Variants in DLGAP2 observed in about 807,000 individuals in gnomAD.
The protein encoded by DLGAP2 is disks large-associated protein 2.
DLGAP2 carries 26 observed loss-of-function variants against 100.3 expected under a neutral mutation model. That is an observed-to-expected ratio of 0.26 (90% CI 0.19 to 0.36). The LOEUF is 0.36. Among genes scored for constraint, DLGAP2 ranks in the 10% least tolerant of loss-of-function variants. The pLI, the probability that DLGAP2 is intolerant of heterozygous loss-of-function variation, is 1.00. For synonymous variants in DLGAP2, 886 were observed against 630.1 expected (o/e 1.41, Z -6.08); for missense variants, 1,858 against 1,453.2 (o/e 1.28, Z -4.53).
At chr8:1,629,642 C>CT (rs751632365) in intron 7 of DLGAP2, among the ~76,000 whole-genome samples, 2 of 152,248 alleles carry the variant, frequency 1.3e-5, no homozygotes, top group African/African-American at 2.4e-5. Flanking sequence ...TCTTTTAAAG[C>CT]TATCACCTTC....
At position 1,689,158 on chromosome 8, in the gene DLGAP2, C is replaced by T. The variant is rs536561260; in HGVS notation, c.2705-2377C>T. Among the ~76,000 whole-genome samples, 6 of 152,290 alleles carry T rather than the reference C, an allele frequency of 3.9e-5. No individual in the cohort carries two copies. In the South Asian group the frequency reaches 1.2e-3, roughly 32 times the overall value. ...GGTTCACTTCCCTGGACCTCGGTTT[C>T]GACTTCTGGAAAGGCTGTCTAGGCT... On this transcript the variant is annotated intron_variant, in intron 12 of 14. Transcript: ENST00000637795.
intron 8 of DLGAP2, among the ~76,000 whole-genome samples, chr8:1,665,220 A>G (rs1265792962): frequency 6.6e-6 from 1 of 152,048 alleles, no homozygotes; most frequent in East Asian, 1.9e-4. Flanking sequence ...AATTTTTCAG[A>G]CTCTTTAAAT....
intron 3 of DLGAP2, among the ~76,000 whole-genome samples, chr8:1,361,125 C>A (rs570544701): frequency 1.3e-5 from 2 of 152,334 alleles, no homozygotes; most frequent in African/African-American, 2.4e-5. Context: ...CTGAGATGGT[C>A]CTTGGTGGTG....
chr8:850,069 A>C (rs899090296), intron 1 of DLGAP2, among the ~76,000 whole-genome samples: 2 of 151,780 alleles, frequency 1.3e-5, no homozygotes, highest in African/African-American at 4.8e-5. Flanking sequence ...TAAAAAAAAA[A>C]AAAAAAAAAC....
chr8:1,160,489 G>T (rs112047705), intron 2 of DLGAP2, among the ~76,000 whole-genome samples: 1 of 152,178 alleles, frequency 6.6e-6, no homozygotes, highest in African/African-American at 2.4e-5. Context: ...AGTCTTTTGT[G>T]GTCATTTTTT....
intron 1 of DLGAP2, among the ~76,000 whole-genome samples, chr8:855,784 G>A (rs1252767726): frequency 6.6e-6 from 1 of 152,168 alleles, no homozygotes; most frequent in Non-Finnish European, 1.5e-5. Context: ...CGCATCAGCA[G>A]GCTAAAGAAG....
chr8:1,425,963 G>C (rs1357335809), intron 3 of DLGAP2, among the ~76,000 whole-genome samples: 1 of 152,236 alleles, frequency 6.6e-6, no homozygotes, highest in Non-Finnish European at 1.5e-5. Flanking sequence ...GAAACCAGGT[G>C]GCTGGAGGAC....
intron 2 of DLGAP2, among the ~76,000 whole-genome samples, chr8:916,641 G>C (rs918813028): frequency 6.6e-6 from 1 of 151,920 alleles, no homozygotes; most frequent in African/African-American, 2.4e-5. Flanking sequence ...ATGTACCCTA[G>C]AACTTAAAGT....
chr8:1,287,157 T>TGTGTGTGTGTGTGTGTGC (rs1315463950), intron 3 of DLGAP2, among the ~76,000 whole-genome samples: 13 of 99,438 alleles, frequency 1.3e-4, no homozygotes, highest in African/African-American at 4.2e-4. Context: ...TGTGTGTGTG[T>TGTGTGTGTGTGTGTGTGC]GCGCGCGCGC....
intron 3 of DLGAP2, among the ~76,000 whole-genome samples, chr8:1,337,429 A>G (rs867344325): frequency 6.6e-3 from 4 of 610 alleles, no homozygotes; most frequent in South Asian, 0.026. Context: ...GATGATGGTG[A>G]TGGTGATGAT....
intron 3 of DLGAP2, among the ~76,000 whole-genome samples, chr8:1,420,248 C>T (rs1487620295): frequency 7.2e-5 from 11 of 152,178 alleles, no homozygotes; most frequent in African/African-American, 2.7e-4. Flanking sequence ...GGTTGAAGGG[C>T]TGGCTGGGAA....
At chr8:1,588,267 G>T (rs972507890) in intron 6 of DLGAP2, among the ~76,000 whole-genome samples, 1 of 151,980 alleles carries the variant, frequency 6.6e-6, no homozygotes, top group South Asian at 2.1e-4. Flanking sequence ...TTGAAGGTGC[G>T]ACCTTCGAGA....
At chr8:1,372,622 C>T (rs1319130532) in intron 3 of DLGAP2, among the ~76,000 whole-genome samples, 1 of 152,180 alleles carries the variant, frequency 6.6e-6, no homozygotes, top group Non-Finnish European at 1.5e-5. Context: ...CTTTAAGCCG[C>T]TCTCCAGAGT....
At chr8:1,157,841 C>T (rs927554357) in intron 2 of DLGAP2, among the ~76,000 whole-genome samples, 3 of 152,232 alleles carry the variant, frequency 2.0e-5, no homozygotes. Context: ...ATTCACTGAG[C>T]ACAAAGCATG....
chr8:1,282,162 C>G (rs1183467669), intron 3 of DLGAP2, among the ~76,000 whole-genome samples: 5 of 146,904 alleles, frequency 3.4e-5, no homozygotes, highest in Non-Finnish European at 3.0e-5. Flanking sequence ...ACCATCCAGA[C>G]GTGGTGTGAC....
chr8:765,531 A>G (rs949031264), intron 1 of DLGAP2, among the ~76,000 whole-genome samples: 4 of 152,180 alleles, frequency 2.6e-5, no homozygotes, highest in South Asian at 4.1e-4. Flanking sequence ...TGACATTGGA[A>G]TACAGCAGCC....
intron 3 of DLGAP2, among the ~76,000 whole-genome samples, chr8:1,312,917 T>C (rs1403299110): frequency 6.6e-6 from 1 of 152,202 alleles, no homozygotes; most frequent in Non-Finnish European, 1.5e-5. Context: ...GCCCATAAAA[T>C]GAGTGAGGCC....
chr8:1,245,349 T>C (rs1798881107), intron 2 of DLGAP2, among the ~76,000 whole-genome samples: 1 of 152,164 alleles, frequency 6.6e-6, no homozygotes, highest in Admixed American at 6.5e-5. Context: ...AGGTCAAGTA[T>C]CCGGAAACGG....
At chr8:1,152,487 T>C (rs1265685559) in intron 2 of DLGAP2, among the ~76,000 whole-genome samples, 4 of 152,216 alleles carry the variant, frequency 2.6e-5, no homozygotes, top group Admixed American at 2.6e-4. Context: ...TATCTGGTCA[T>C]AGTGAAATAG....
Sources: allele counts gnomAD v4.1 joint callset (sites outside exome capture counted in the v4.1 genomes callset), GRCh38; gene constraint gnomAD v4.1.1; transcripts MANE v1.5; gene names NCBI Gene and HGNC (gene_info 2026-07-23, HGNC 2026-07-21).